Variants in RSPRY1 observed in about 807,000 individuals in gnomAD.
RSPRY1 encodes the protein ring finger and SPRY domain containing 1.
RSPRY1 carries 23 observed loss-of-function variants against 73.1 expected under a neutral mutation model. That is an observed-to-expected ratio of 0.31 (90% confidence interval 0.23 to 0.45). RSPRY1 has a LOEUF of 0.45. Among genes scored for constraint, RSPRY1 ranks in the 20% least tolerant of loss-of-function variants. The pLI, the probability that RSPRY1 is intolerant of heterozygous loss-of-function variation, is 1.00. For synonymous variants in RSPRY1, 226 were observed against 251.4 expected, an observed-to-expected ratio of 0.90 and a Z score of 0.95; for missense variants, 448 against 698.7, an observed-to-expected ratio of 0.64 and a Z score of 4.05.
At chr16:57,192,765 G>C (rs2146162984) in intron 1 of RSPRY1, among the ~76,000 whole-genome samples, 1 of 149,034 alleles carries the variant, frequency 6.7e-6, no homozygotes. Context: ...AAGTGCAGTG[G>C]TGCGATCATG....
chr16:57,210,508 G>T (rs1323061646), intron 4 of RSPRY1, among the ~76,000 whole-genome samples: 1 of 151,876 alleles, frequency 6.6e-6, no homozygotes, highest in Non-Finnish European at 1.5e-5. Context: ...TTCGAGACCA[G>T]CCTGAACAGC....
At chr16:57,210,400 G>A (rs2074817493) in intron 4 of RSPRY1, among the ~76,000 whole-genome samples, 1 of 152,058 alleles carries the variant, frequency 6.6e-6, no homozygotes, top group Admixed American at 6.6e-5. Flanking sequence ...TTTTTTAAAT[G>A]TTAAAAATAG....
chr16:57,239,241 G>T lies in RSPRY1; in HGVS notation c.*266G>T. ...TGTGGTACTTCCATGAGAAACCATAGCAGACAATGCCCTCCCAAGTACTGA... is the reference window on the plus strand; with the variant it reads ...TGTGGTACTTCCATGAGAAACCATATCAGACAATGCCCTCCCAAGTACTGA... On this transcript the variant is annotated 3_prime_UTR_variant, in exon 15 of 15. Coordinates refer to ENST00000394420, the MANE Select transcript of RSPRY1 (RefSeq NM_133368.3). 4.7e-6 allele frequency: 1 copy of T among 211,886 alleles called. No homozygotes were observed. 13.1% of individuals were successfully genotyped at this position (211,886 alleles called of 1,614,324 possible). A position where few individuals can be genotyped will look rare whatever the true frequency, so the allele number is the denominator to read the frequency against.
In RSPRY1 at chr16:57,220,829, C is replaced by T; in HGVS notation, c.999C>T (p.Ile333=). ...NSNDVSEYLK[I]SPHGLEARCD... ...ATGATGTCAGCGAGTACCTGAAGAT[C>T]TCACCTCATGGCTTAGAGGTAGGTA... is the stretch of plus-strand genomic sequence containing the variant. Residue 333 remains isoleucine (I), a synonymous_variant, in exon 9 of 15, where the codon ATC becomes ATT. Transcript: ENST00000394420. 6.2e-7 allele frequency: 1 copy of T among 1,611,938 alleles called. No individual in the cohort carries two copies. The highest frequency in any genetic ancestry group is 8.5e-7 in the Non-Finnish European group (1 of 1,177,980).
chr16:57,189,492 G>A (rs2074312909), intron 1 of RSPRY1, among the ~76,000 whole-genome samples: 1 of 150,596 alleles, frequency 6.6e-6, no homozygotes, highest in Non-Finnish European at 1.5e-5. Flanking sequence ...TAGCACTGTG[G>A]GGCCTGGAGG....
rs1462032913 is a variant in RSPRY1 at position 57,240,265 on chromosome 16, C to T, written c.*1290C>T. 6.6e-6 allele frequency: 1 copy of T among 151,672 alleles called. No individual in the cohort carries two copies. Among genetic ancestry groups the T allele is most frequent in the Admixed American group, 6.6e-5 (1 of 15,216 alleles). The allele number at this position is 151,672 out of a possible 1,614,324, so 9.4% of individuals were successfully genotyped here. On this transcript the variant is annotated 3_prime_UTR_variant, in exon 15 of 15. Transcript: ENST00000394420. ...GTAGTTCATTATACCTGTCCTATTACAGAACTGATTTCCTTCCTGGCTGTA... is the reference window on the plus strand; with the variant it reads ...GTAGTTCATTATACCTGTCCTATTATAGAACTGATTTCCTTCCTGGCTGTA...
chr16:57,198,239 C>G (rs1171853698), intron 1 of RSPRY1, among the ~76,000 whole-genome samples: 6 of 151,962 alleles, frequency 3.9e-5, no homozygotes, highest in Non-Finnish European at 8.8e-5. Flanking sequence ...CAAAAATTAG[C>G]TGGGCGTGGT....
At chr16:57,206,366 A>G (rs952071809) in intron 2 of RSPRY1, among the ~76,000 whole-genome samples, 2 of 152,262 alleles carry the variant, frequency 1.3e-5, no homozygotes, top group East Asian at 3.9e-4. Context: ...TGATCACACC[A>G]CTGCACTCCA....
At chr16:57,204,372 G>A in intron 1 of RSPRY1, 132 bp from the exon 2 acceptor site, 1 of 323,414 alleles carries the variant, frequency 3.1e-6, no homozygotes, top group East Asian at 5.8e-5. Context: ...CTTTGTATTG[G>A]AAACCTATAA....
In RSPRY1 at chr16:57,216,120, A is replaced by T; in HGVS notation, c.716A>T (p.His239Leu). ...GTTGTTTTTCAGAAGTTACAGTCCC[A>T]CCCCACAGTCATGCTTTTTGCACTT... ...YLLQCLKLQS[H>L]PTVMLFALIA... Residue 239 changes from histidine to leucine, a missense_variant, in exon 7 of 15, where the codon CAC (histidine) becomes CTC (leucine). By Grantham distance (99) the His-to-Leu change is moderately conservative (BLOSUM62 -3). Transcript: ENST00000394420. 6.2e-7 allele frequency: 1 copy of T among 1,605,030 alleles called. No individual in the cohort carries two copies.
intron 14 of RSPRY1, among the ~76,000 whole-genome samples, chr16:57,235,633 T>A (rs2075288629): frequency 6.6e-6 from 1 of 152,002 alleles, no homozygotes. Flanking sequence ...TAGAACAGAG[T>A]GAGCATCAGC....
intron 14 of RSPRY1, among the ~76,000 whole-genome samples, chr16:57,237,289 G>C (rs1418038572): frequency 6.6e-6 from 1 of 151,722 alleles, no homozygotes; most frequent in East Asian, 2.0e-4. Context: ...GATTACAGGC[G>C]CATGCCACCA....
chr16:57,209,237 A>AAT, intron 4 of RSPRY1, 50 bp downstream of exon 4: 6 of 1,214,368 alleles, frequency 4.9e-6, no homozygotes, highest in Non-Finnish European at 6.0e-6. Context: ...CTTAAGCACA[A>AAT]GATAAATGAC....
intron 14 of RSPRY1, among the ~76,000 whole-genome samples, 173 bp downstream of exon 14, chr16:57,235,401 A>G (rs2075285532): frequency 6.6e-6 from 1 of 152,166 alleles, no homozygotes; most frequent in African/African-American, 2.4e-5. Context: ...TTGATGTGGA[A>G]GGCTGTTTTG....
rs1241201080 is a variant in RSPRY1, at chr16:57,240,294, G to T, written c.*1319G>T. 6.6e-6 allele frequency: 1 copy of T among 151,162 alleles called. No homozygotes were observed. The highest frequency in any genetic ancestry group is 2.4e-5 in the African/African-American group (1 of 41,050). 9.4% of individuals were successfully genotyped at this position (151,162 alleles called of 1,614,324 possible). ...ACTGATTTCCTTCCTGGCTGTACAT[G>T]TTGGGGTGCTGGATTTTTTTCCGTG... On this transcript the variant is annotated 3_prime_UTR_variant, in exon 15 of 15. Transcript: ENST00000394420.
intron 8 of RSPRY1, 21 bp downstream of exon 8, chr16:57,217,056 A>G: frequency 6.2e-7 from 1 of 1,613,816 alleles, no homozygotes; most frequent in Non-Finnish European, 8.5e-7. Context: ...GTTGTCCTTT[A>G]TTAAAATGTC....
At chr16:57,188,767 C>T (rs1212522470) in intron 1 of RSPRY1, among the ~76,000 whole-genome samples, 1 of 152,068 alleles carries the variant, frequency 6.6e-6, no homozygotes, top group Non-Finnish European at 1.5e-5. Flanking sequence ...CCGCCTGCCT[C>T]GGCCTCCCAA....
At chr16:57,216,026 C>T in intron 6 of RSPRY1, 81 bp from the exon 7 acceptor site, 2 of 1,070,476 alleles carry the variant, frequency 1.9e-6, no homozygotes, top group South Asian at 2.7e-5. Flanking sequence ...ACATATTGGG[C>T]AAGGAAATGA....
At chr16:57,236,726 T>C (rs2075304562) in intron 14 of RSPRY1, among the ~76,000 whole-genome samples, 1 of 152,204 alleles carries the variant, frequency 6.6e-6, no homozygotes, top group African/African-American at 2.4e-5. Context: ...TTAGTAATCA[T>C]ACCAAAAGCT....
Sources: allele counts gnomAD v4.1 joint callset (sites outside exome capture counted in the v4.1 genomes callset), GRCh38; gene constraint gnomAD v4.1.1; transcripts MANE v1.5; gene names NCBI Gene and HGNC (gene_info 2026-07-23, HGNC 2026-07-21).